Variants in BCL10 observed in about 807,000 individuals in gnomAD.
BCL10 encodes B-cell lymphoma/leukemia 10.
A neutral mutation model predicts 19.2 loss-of-function variants in BCL10; 5 were observed. The observed-to-expected ratio is 0.26, with a 90% confidence interval of 0.14 to 0.55. BCL10 has a LOEUF of 0.55. BCL10 is among the 20% of genes least tolerant of loss of function. The pLI, the probability that BCL10 is intolerant of heterozygous loss-of-function variation, is 0.94. For synonymous variants in BCL10, 110 were observed against 98.8 expected (o/e 1.11, Z -0.67); for missense variants, 201 against 271.9 (o/e 0.74, Z 1.83).
At position 85,270,634 on chromosome 1, in the gene BCL10, T is replaced by C; in HGVS notation, c.330A>G (p.Lys110=). The part of the protein sequence containing the change: ...TDEVLKLRNI[K]LEHLKGLKCS... ...ATATCTTACCTTTCAGATGTTCTAGTTTTATATTTCTAAGTTTCAGCACTT... is the reference window on the plus strand; with the variant it reads ...ATATCTTACCTTTCAGATGTTCTAGCTTTATATTTCTAAGTTTCAGCACTT... Residue 110 remains lysine, a synonymous_variant, in exon 2 of 3, where the codon AAA becomes AAG. Coordinates refer to ENST00000648566, the MANE Select transcript of BCL10 (RefSeq NM_003921.5). 1 of 1,601,562 alleles carries C rather than the reference T, an allele frequency of 6.2e-7. No homozygotes were observed.
chr1:85,268,310 T>G (rs894775171), intron 2 of BCL10, among the ~76,000 whole-genome samples: 2 of 152,230 alleles, frequency 1.3e-5, no homozygotes, highest in East Asian at 3.8e-4. Context: ...ACAATAAATA[T>G]TCTTTAGTAT....
chr1:85,275,885 T>C (rs1051587970), intron 1 of BCL10, among the ~76,000 whole-genome samples: 2 of 152,240 alleles, frequency 1.3e-5, no homozygotes, highest in Non-Finnish European at 2.9e-5. Flanking sequence ...GGTCCACTGC[T>C]TGGGATCCTT....
Position 85,267,810 on chromosome 1 carries a change from A to C in BCL10, c.519T>G (p.Asn173Lys). 6.2e-7 allele frequency: 1 copy of C among 1,614,226 alleles called. No individual in the cohort carries two copies. The highest frequency in any genetic ancestry group is 8.5e-7 in the Non-Finnish European group (1 of 1,180,044). Residue 173 changes from asparagine (N) to lysine (K), a missense_variant, in exon 3 of 3, where the codon AAT becomes AAG. Transcript: ENST00000648566. Reference protein sequence around the residue: ...TPFFSTNSSLNLPVLEVGRTE... With the variant: ...TPFFSTNSSLKLPVLEVGRTE... The stretch of plus-strand genomic sequence containing the variant: ...TTCTGCCTACTTCTAGAACAGGCAA[A>C]TTCAGAGAAGAATTAGTAGAAAAAA...
At chr1:85,272,829 A>G (rs1660403602) in intron 1 of BCL10, among the ~76,000 whole-genome samples, 1 of 152,174 alleles carries the variant, frequency 6.6e-6, no homozygotes, top group South Asian at 2.1e-4. Flanking sequence ...ACTATATATG[A>G]AGGCCACGCA....
In BCL10 at chr1:85,267,765, A is replaced by G; in HGVS notation, c.564T>C (p.Ser188=). Residue 188 remains serine (S), a synonymous_variant, in exon 3 of 3, where the codon TCT becomes TCC. Transcript: ENST00000648566. ...EVGRTENTIF[S]STTLPRPGDP... ...CCCCAGGTCTGGGAAGTGTAGTTGA[A>G]GAGAAGATGGTATTTTCAGTTCTGC... The G allele has an allele frequency of 6.2e-7, 1 of 1,614,238 alleles. No individual in the cohort carries two copies. Among genetic ancestry groups the G allele is most frequent in the Non-Finnish European group, 8.5e-7 (1 of 1,180,038 alleles).
chr1:85,276,374 T>A lies in BCL10; in HGVS notation c.-22A>T, dbSNP rs1423371675. The A allele has an allele frequency of 6.2e-7, 1 of 1,613,410 alleles. No individual in the cohort carries two copies. The highest frequency in any genetic ancestry group is 8.5e-7 in the Non-Finnish European group (1 of 1,179,608). Reference sequence around the variant, plus strand: ...CCATGGTGGAGGCGGGAGATGGCGCTTCTTCCGGGTCCGGGAGCTCGGGCT... The same window carrying A: ...CCATGGTGGAGGCGGGAGATGGCGCATCTTCCGGGTCCGGGAGCTCGGGCT... On this transcript the variant is annotated 5_prime_UTR_variant, in exon 1 of 3. The change creates a new upstream start codon in the 5' untranslated region. Transcript: ENST00000648566.
chr1:85,269,980 T>C (rs1660325959), intron 2 of BCL10, among the ~76,000 whole-genome samples: 2 of 152,200 alleles, frequency 1.3e-5, no homozygotes, highest in African/African-American at 4.8e-5. Context: ...ACTAGCAGAG[T>C]TGGACTTTTA....
In BCL10 at chr1:85,267,553, A is replaced by C. The variant is rs1213749926; in HGVS notation, c.*74T>G. 8.2e-7 allele frequency: 1 copy of C among 1,224,604 alleles called. No homozygotes were observed. The highest frequency in any genetic ancestry group is 1.1e-6 in the Non-Finnish European group (1 of 883,302). The allele number at this position is 1,224,604 out of a possible 1,614,324, so 75.9% of individuals were successfully genotyped here. A position where few individuals can be genotyped will look rare whatever the true frequency, so the allele number is the denominator to read the frequency against. The stretch of plus-strand genomic sequence containing the variant: ...ATGCATCAAATGTAAACAAATGATT[A>C]CAGCCATTTTATAAAAAGTCATATT... On this transcript the variant is annotated 3_prime_UTR_variant, in exon 3 of 3. Coordinates refer to ENST00000648566, the MANE Select transcript of BCL10 (RefSeq NM_003921.5).
chr1:85,268,373 A>G (rs1660261577), intron 2 of BCL10, among the ~76,000 whole-genome samples: 1 of 152,262 alleles, frequency 6.6e-6, no homozygotes, highest in African/African-American at 2.4e-5. Context: ...AGATGCTAAA[A>G]TTCTATCTGT....
rs1197713253 is a variant in BCL10 at position 85,276,583 on chromosome 1, G to A, written c.-231C>T. ...GACGCGAATCTACGCGACGCGACGCGGAGCTCGGAGCAGCGTTCCTTCCCT... is the reference window on the plus strand; with the variant it reads ...GACGCGAATCTACGCGACGCGACGCAGAGCTCGGAGCAGCGTTCCTTCCCT... On this transcript the variant is annotated 5_prime_UTR_variant, in exon 1 of 3. Transcript: ENST00000648566. 1.7e-6 allele frequency: 1 copy of A among 594,162 alleles called. No homozygotes were observed. The highest frequency in any genetic ancestry group is 1.9e-5 in the African/African-American group (1 of 53,676). The allele number at this position is 594,162 out of a possible 1,614,324, so 36.8% of individuals were successfully genotyped here.
Position 85,276,483 on chromosome 1 carries a change from G to C in BCL10, c.-131C>G. On this transcript the variant is annotated 5_prime_UTR_variant, in exon 1 of 3. Transcript: ENST00000648566. ...AGGCGGAGCGGGTCGGGAGAAAGACGGCCGCCCCTTCGGGAACAGAGGGAC... is the reference window on the plus strand; with the variant it reads ...AGGCGGAGCGGGTCGGGAGAAAGACCGCCGCCCCTTCGGGAACAGAGGGAC... 2 of 1,039,580 alleles carry C rather than the reference G, an allele frequency of 1.9e-6. No individual in the cohort carries two copies. The highest frequency in any genetic ancestry group is 2.9e-6 in the Non-Finnish European group (2 of 697,010). 64.4% of individuals were successfully genotyped at this position (1,039,580 alleles called of 1,614,324 possible).
chr1:85,272,391 G>A lies in BCL10; in HGVS notation c.58-1485C>T, dbSNP rs372179273. On this transcript the variant is annotated intron_variant, in intron 1 of 2. Transcript: ENST00000648566. ...ACTACAGGTGTGAGCCACCATGCCC[G>A]GCTAATTTTTAATTTTTTTTTTTTT... is the stretch of plus-strand genomic sequence containing the variant. 4.0e-3 allele frequency among the ~76,000 whole-genome samples: 607 copies of A among 150,948 alleles called. 4 individuals carry two copies. Among genetic ancestry groups the A allele is most frequent in the African/African-American group, 0.013 (554 of 41,186 alleles).
chr1:85,267,479 T>C lies in BCL10; in HGVS notation c.*148A>G. ...CTATCCTAGAAGTATGCTTTTTTAA[T>C]TCTAAAAATCCTATTTACAAAGTAT... On this transcript the variant is annotated 3_prime_UTR_variant, in exon 3 of 3. Coordinates refer to ENST00000648566, the MANE Select transcript of BCL10 (RefSeq NM_003921.5). 1.6e-6 allele frequency: 1 copy of C among 635,682 alleles called. No individual in the cohort carries two copies. The highest frequency in any genetic ancestry group is 2.6e-6 in the Non-Finnish European group (1 of 390,950). 39.4% of individuals were successfully genotyped at this position (635,682 alleles called of 1,614,324 possible). A position where few individuals can be genotyped will look rare whatever the true frequency, so the allele number is the denominator to read the frequency against.
chr1:85,276,203 T>C, intron 1 of BCL10, 93 bp downstream of exon 1: 1 of 1,490,016 alleles, frequency 6.7e-7, no homozygotes, highest in African/African-American at 1.4e-5. Flanking sequence ...ACCTGGAGGA[T>C]CCTCCTTGTC....
chr1:85,276,469 G>A lies in BCL10; in HGVS notation c.-117C>T. 8.0e-7 allele frequency: 1 copy of A among 1,242,298 alleles called. No individual in the cohort carries two copies. 77.0% of individuals were successfully genotyped at this position (1,242,298 alleles called of 1,614,324 possible). ...GGAAGAAGGAGAGGAGGCGGAGCGG[G>A]TCGGGAGAAAGACGGCCGCCCCTTC... On this transcript the variant is annotated 5_prime_UTR_variant, in exon 1 of 3. Coordinates refer to ENST00000648566, the MANE Select transcript of BCL10 (RefSeq NM_003921.5).
Position 85,267,785 on chromosome 1 carries a change from T to C in BCL10, c.544A>G (p.Thr182Ala). ...LNLPVLEVGRTENTIFSSTTL... is the reference protein window; with the variant it reads ...LNLPVLEVGRAENTIFSSTTL... ...GTTGAAGAGAAGATGGTATTTTCAG[T>C]TCTGCCTACTTCTAGAACAGGCAAA... The change falls in exon 3 of 3, where the codon ACT becomes GCT. Residue 182 changes from threonine to alanine, a missense_variant. Around this residue, in one of 3 missense-constraint regions of BCL10, gnomAD observed 126 missense variants for 136.6 expected, o/e 0.92. Coordinates refer to ENST00000648566, the MANE Select transcript of BCL10 (RefSeq NM_003921.5). 1 of 1,614,242 alleles carries C rather than the reference T, an allele frequency of 6.2e-7. No homozygotes were observed. Among genetic ancestry groups the C allele is most frequent in the Non-Finnish European group, 8.5e-7 (1 of 1,180,042 alleles).
chr1:85,269,606 T>C (rs925171726), intron 2 of BCL10, among the ~76,000 whole-genome samples: 6 of 152,262 alleles, frequency 3.9e-5, no homozygotes, highest in South Asian at 2.1e-4. Context: ...GGGACACTTA[T>C]AGACTATGAG....
In BCL10 at chr1:85,267,690, T is replaced by C. The variant is rs1660239160; in HGVS notation, c.639A>G (p.Gly213=). ...ACATCTCACTAGAGTTTGCACAAGT[T>C]CCTTCTTCTTCTAACTGTAGATCTG... ...LPPDLQLEEE[G]TCANSSEMFL... The change falls in exon 3 of 3, where the codon GGA becomes GGG. Residue 213 remains glycine, a synonymous_variant. Transcript: ENST00000648566. 1 of 1,613,764 alleles carries C rather than the reference T, an allele frequency of 6.2e-7. No homozygotes were observed. Among genetic ancestry groups the C allele is most frequent in the Non-Finnish European group, 8.5e-7 (1 of 1,179,834 alleles).
In BCL10 at chr1:85,270,908, TA is replaced by T. The variant is rs754835118; in HGVS notation, c.58-3del. 6.3e-7 allele frequency: 1 copy of T among 1,596,816 alleles called. No homozygotes were observed. On this transcript the variant is annotated splice_region_variant and splice_polypyrimidine_tract_variant and intron_variant, in intron 1 of 2. Coordinates refer to ENST00000648566, the MANE Select transcript of BCL10 (RefSeq NM_003921.5). ...GTATACACGTAAATTTTCTAAGGCC[TA>T]AAAGACATAAAATATGGTTCAATGT... is the stretch of plus-strand genomic sequence containing the variant.
Sources: gnomAD v4.1 joint callset for allele counts (sites outside exome capture counted in the v4.1 genomes callset) on GRCh38, gnomAD v4.1.1 for gene constraint, gnomAD v4.1.1 regional missense constraint, MANE v1.5 for transcripts, NCBI Gene and HGNC (gene_info 2026-07-23, HGNC 2026-07-21) for gene names.